The following CD96 variants were observed in gnomAD, a reference collection of about 807,000 sequenced individuals.
The protein encoded by CD96 is CD96 molecule, also known as T-cell surface protein tactile.
In CD96, 70 loss-of-function variants were observed where a neutral mutation model predicts 71.3. The observed-to-expected ratio is 0.98, with a 90% confidence interval of 0.81 to 1.20. The LOEUF (loss-of-function observed/expected upper bound fraction) is 1.20. Among genes scored for constraint, CD96 ranks in the 50% most tolerant of loss-of-function variants. The pLI, the probability that CD96 is intolerant of heterozygous loss-of-function variation, is 0.00. For synonymous variants in CD96, 248 were observed against 233.0 expected (o/e 1.06, Z -0.59); for missense variants, 742 against 677.5 (o/e 1.10, Z -1.06).
Position 111,640,824 on chromosome 3 carries a change from G to A in CD96, c.1477+2656G>A, listed in dbSNP as rs547274932. Among the ~76,000 whole-genome samples, 11 of 152,290 alleles carry A rather than the reference G, an allele frequency of 7.2e-5. No individual in the cohort carries two copies. The South Asian group carries it at 2.1e-3, about 29-fold the overall frequency. The stretch of plus-strand genomic sequence containing the variant: ...ATCCTACAAGCTAGAAGAGACTGGG[G>A]ACCTATCTTGAACCTCCTCAAACAA... On this transcript the variant is annotated intron_variant, in intron 12 of 13. Coordinates refer to ENST00000352690, the MANE Select transcript of CD96 (RefSeq NM_005816.5).
chr3:111,543,318 T>C (rs1934205011), intron 1 of CD96, among the ~76,000 whole-genome samples: 1 of 152,204 alleles, frequency 6.6e-6, no homozygotes, highest in Non-Finnish European at 1.5e-5. Flanking sequence ...ATTGAAGGCA[T>C]GTCACAGTCT....
rs1370041661 is a variant in CD96 at position 111,598,137 on chromosome 3, A to G, written c.825A>G (p.Leu275=). Residue 275 remains leucine (L), a synonymous_variant, in exon 6 of 14, where the codon TTA becomes TTG. Transcript: ENST00000352690. ...TACCCCAGAGAAGATTTACCTGCTT[A>G]CTAAAGAATGTATTTCCCAAAGCAA... The part of the protein sequence containing the change: ...DVLVERRFTC[L]LKNVFPKANI... The G allele has an allele frequency of 2.1e-6, 3 of 1,457,070 alleles. No individual in the cohort carries two copies. Among genetic ancestry groups the G allele is most frequent in the Non-Finnish European group, 2.9e-6 (3 of 1,037,614 alleles). The allele number at this position is 1,457,070 out of a possible 1,614,324, so 90.3% of individuals were successfully genotyped here. A position where few individuals can be genotyped will look rare whatever the true frequency, so the allele number is the denominator to read the frequency against.
chr3:111,624,805 GA>G (rs1266255770), intron 10 of CD96, among the ~76,000 whole-genome samples: 15 of 152,332 alleles, frequency 9.8e-5, no homozygotes, highest in Admixed American at 9.8e-4. Flanking sequence ...AAACTAGCTA[GA>G]AAATGCGTAT....
intron 3 of CD96, among the ~76,000 whole-genome samples, chr3:111,577,974 C>T (rs940492179): frequency 6.6e-6 from 1 of 152,140 alleles, no homozygotes; most frequent in African/African-American, 2.4e-5. Context: ...AGATGTCAGC[C>T]CTGGATCTCC....
intron 1 of CD96, among the ~76,000 whole-genome samples, chr3:111,544,390 A>G (rs1009118570): frequency 2.0e-5 from 3 of 151,808 alleles, no homozygotes; most frequent in Non-Finnish European, 4.4e-5. Context: ...TGATCTGCCC[A>G]CCTCAGCCTC....
In CD96 at chr3:111,664,024, A is replaced by G. The variant is rs149592952; in HGVS notation, c.*53-1503A>G. ...CTCAGCCTCCCAAAGTGATGGGGTT[A>G]CAGGCTTGAGCCACTGCGCCCAGCC... On this transcript the variant is annotated intron_variant and NMD_transcript_variant, in intron 14 of 14. Transcript: ENST00000494798. Among the ~76,000 whole-genome samples the G allele has an allele frequency of 2.4e-4, 37 of 152,324 alleles. 3 individuals are homozygous for G. In the East Asian group the frequency reaches 7.1e-3, roughly 29 times the overall value.
downstream of CD96, among the ~76,000 whole-genome samples, chr3:111,653,945 G>C (rs1251113997): frequency 2.0e-5 from 3 of 152,080 alleles, no homozygotes; most frequent in Non-Finnish European, 4.4e-5. Context: ...AAAGAGAAAA[G>C]AGATTAATCA....
At chr3:111,648,835 GAT>G (rs1939950821) in intron 13 of CD96, among the ~76,000 whole-genome samples, 1 of 152,212 alleles carries the variant, frequency 6.6e-6, no homozygotes, top group Non-Finnish European at 1.5e-5. Context: ...GATGTTCACA[GAT>G]ATATTTCTGT....
intron 9 of CD96, 81 bp downstream of exon 9, chr3:111,623,903 C>T (rs1938623528): frequency 9.7e-6 from 9 of 929,702 alleles, no homozygotes; most frequent in Admixed American, 3.5e-5. Context: ...ATAATGTTGA[C>T]GTTTCAGCAA....
chr3:111,653,605 G>T (rs1239609414), downstream of CD96, among the ~76,000 whole-genome samples: 2 of 152,158 alleles, frequency 1.3e-5, no homozygotes, highest in East Asian at 3.9e-4. Flanking sequence ...TAAGGGTTCT[G>T]TGAAATTGAC....
chr3:111,625,666 C>T (rs1225563265), intron 10 of CD96, among the ~76,000 whole-genome samples: 1 of 152,060 alleles, frequency 6.6e-6, no homozygotes, highest in African/African-American at 2.4e-5. Context: ...AACATTAAAA[C>T]ATGGAATAAA....
At chr3:111,550,878 G>T (rs973436743) in intron 2 of CD96, among the ~76,000 whole-genome samples, 4 of 152,158 alleles carry the variant, frequency 2.6e-5, no homozygotes, top group African/African-American at 9.7e-5. Context: ...ATTCGCACAA[G>T]GCTTTCTCCA....
rs1938646360 is a variant in CD96 at position 111,624,371 on chromosome 3, C to G, written c.1288C>G (p.Pro430Ala). 3 of 1,611,966 alleles carry G rather than the reference C, an allele frequency of 1.9e-6. No homozygotes were observed. The East Asian group carries it at 6.7e-5, about 36-fold the overall frequency. The change falls in exon 10 of 14, where the codon CCC becomes GCC. Residue 430 changes from proline to alanine, a missense_variant. By Grantham distance (27) the Pro-to-Ala change is conservative (BLOSUM62 -1). Transcript: ENST00000352690. The part of the protein sequence containing the change: ...SSMTTRGFNY[P>A]WTSSGTDTKK... ...TATGACTACCCGAGGCTTCAACTATCCCTGGACCTCCAGTGGGACAGATAC... is the reference window on the plus strand; with the variant it reads ...TATGACTACCCGAGGCTTCAACTATGCCTGGACCTCCAGTGGGACAGATAC...
chr3:111,570,646 T>C (rs1935934857), intron 3 of CD96: 21 of 1,605,984 alleles, frequency 1.3e-5, no homozygotes, highest in Non-Finnish European at 1.8e-5. Context: ...CACACGTACA[T>C]GGCCCGGGAC....
At chr3:111,592,357 C>T (rs1474300190) in intron 5 of CD96, among the ~76,000 whole-genome samples, 1 of 152,188 alleles carries the variant, frequency 6.6e-6, no homozygotes, top group East Asian at 1.9e-4. Context: ...TTTTAAAAAT[C>T]AGTGAACAGT....
At chr3:111,560,154 C>G (rs532751282) in intron 2 of CD96, among the ~76,000 whole-genome samples, 1 of 151,492 alleles carries the variant, frequency 6.6e-6, no homozygotes, top group Non-Finnish European at 1.5e-5. Context: ...GGTCTTGACT[C>G]TTTATCCAAT....
At chr3:111,616,919 G>A (rs772822723) in intron 8 of CD96, among the ~76,000 whole-genome samples, 1 of 152,152 alleles carries the variant, frequency 6.6e-6, no homozygotes, top group Non-Finnish European at 1.5e-5. Context: ...GAACACCCCC[G>A]CTTCTGCAGG....
chr3:111,547,553 A>G (rs761524511), intron 2 of CD96, among the ~76,000 whole-genome samples: 16 of 152,248 alleles, frequency 1.1e-4, no homozygotes, highest in Non-Finnish European at 1.6e-4. Flanking sequence ...CACAAAATGA[A>G]GACAGCAATG....
chr3:111,555,404 G>T (rs1376091292), intron 2 of CD96, among the ~76,000 whole-genome samples: 1 of 152,288 alleles, frequency 6.6e-6, no homozygotes, highest in African/African-American at 2.4e-5. Context: ...TTTCGTGTAA[G>T]ACAAATCTAC....
Sources: gnomAD v4.1 joint callset for allele counts (sites outside exome capture counted in the v4.1 genomes callset) on GRCh38, gnomAD v4.1.1 for gene constraint, MANE v1.5 for transcripts, NCBI Gene and HGNC (gene_info 2026-07-23, HGNC 2026-07-21) for gene names.